FASTK: variants seen among roughly 807,000 people sequenced by gnomAD.
FASTK encodes fas-activated serine/threonine kinase.
FASTK carries 28 observed loss-of-function variants against 60.0 expected under a neutral mutation model. The observed-to-expected ratio is 0.47, with a 90% CI of 0.35 to 0.64. The LOEUF is 0.64. FASTK is among the 30% of genes least tolerant of loss of function. The pLI is 0.01. For missense variants in FASTK, 595 were observed against 713.8 expected, an observed-to-expected ratio of 0.83 and a Z score of 1.90; for synonymous variants, 325 against 307.9, an observed-to-expected ratio of 1.06 and a Z score of -0.58.
rs964975437 is a variant in FASTK at position 151,078,766 on chromosome 7, G to T, written c.686-65C>A. On this transcript the variant is annotated intron_variant, in intron 3 of 9. Transcript: ENST00000297532. Reference sequence around the variant, plus strand: ...CTCCGGCTGGCTCAATTCCACCTCAGCCCAGCCAACTGAGCCCACCTTCCT... The same window carrying T: ...CTCCGGCTGGCTCAATTCCACCTCATCCCAGCCAACTGAGCCCACCTTCCT... The T allele has an allele frequency of 5.0e-6, 8 of 1,609,780 alleles. No homozygotes were observed. The East Asian group carries it at 1.3e-4, about 27-fold the overall frequency.
At position 151,077,881 on chromosome 7, in the gene FASTK, CTGA is replaced by C; in HGVS notation, c.1034_1036del (p.Ile345del). 6.2e-7 allele frequency: 1 copy of C among 1,613,202 alleles called. No homozygotes were observed. Among genetic ancestry groups the C allele is most frequent in the East Asian group, 2.2e-5 (1 of 44,852 alleles). The stretch of plus-strand genomic sequence containing the variant: ...AGCCAGCCATCCTGGCTGCGTACCA[CTGA>C]TGTAGTTGATGAAGCCAGGGGAAAA... On this transcript the variant is annotated inframe_deletion, in exon 5 of 10. Transcript: ENST00000297532.
chr7:151,076,932 A>G lies in FASTK; in HGVS notation c.1523T>C (p.Met508Thr). 1 of 1,609,184 alleles carries G rather than the reference A, an allele frequency of 6.2e-7. No homozygotes were observed. Among genetic ancestry groups the G allele is most frequent in the African/African-American group, 1.3e-5 (1 of 74,992 alleles). The change falls in exon 9 of 10, where the codon ATG (methionine) becomes ACG (threonine). Residue 508 changes from methionine to threonine, a missense_variant. This residue lies in a region of FASTK where 471 missense variants were observed against 605.9 expected (regional missense o/e 0.78). Coordinates refer to ENST00000297532, the MANE Select transcript of FASTK (RefSeq NM_006712.5). ...RALRERHLGL[M>T]GYQLLPLPFE... ...ACTCACCGGCAGGAGCTGGTAGCCC[A>G]TCAGGCCTAGGTGCCGCTCCCTCAG... is the stretch of plus-strand genomic sequence containing the variant.
chr7:151,077,063 G>A (rs1194658876), intron 8 of FASTK, 36 bp from the exon 9 acceptor site: 2 of 1,609,292 alleles, frequency 1.2e-6, no homozygotes, highest in Non-Finnish European at 1.7e-6. Flanking sequence ...GGCATGGCGG[G>A]CAAGGTGGCC....
chr7:151,078,930 A>T lies in FASTK; in HGVS notation c.597T>A (p.Leu199=). 6.4e-7 allele frequency: 1 copy of T among 1,574,642 alleles called. No homozygotes were observed. The highest frequency in any genetic ancestry group is 1.2e-5 in the South Asian group (1 of 85,076). The change falls in exon 3 of 10, where the codon CTT becomes CTA. Residue 199 remains leucine (L), a synonymous_variant. Transcript: ENST00000297532. ...CTTCCAACCCTTGCCCACCTCGGAG[A>T]AGGGGCTGCAAAGGGGGAGGTGGCT... The part of the protein sequence containing the change: ...PPKPPPPLQP[L]LRGGQGLEAA...
intron 1 of FASTK, chr7:151,080,181 CA>C: frequency 2.1e-6 from 1 of 482,962 alleles, no homozygotes; most frequent in Non-Finnish European, 3.7e-6. Flanking sequence ...CTTACACGCC[CA>C]TGAAGAGTAG....
chr7:151,079,362 G>C, intron 2 of FASTK, 138 bp downstream of exon 2: 2 of 838,034 alleles, frequency 2.4e-6, no homozygotes, highest in East Asian at 2.7e-5. Flanking sequence ...GTCTGCCGCA[G>C]ACATAGGACG....
chr7:151,080,069 C>A (rs143660244), intron 1 of FASTK, 147 bp from the exon 2 acceptor site: 21 of 666,586 alleles, frequency 3.2e-5, no homozygotes, highest in Non-Finnish European at 5.4e-5. Flanking sequence ...CACCCCGCCC[C>A]TCTGCCTCCT....
At chr7:151,080,656 G>A in intron 1 of FASTK, 29 bp downstream of exon 1, 3 of 1,429,730 alleles carry the variant, frequency 2.1e-6, no homozygotes, top group Non-Finnish European at 2.7e-6. Flanking sequence ...CTGCCCTCCC[G>A]CAGCCCTCCC....
rs1413484177 is a variant in FASTK at position 151,076,846 on chromosome 7, A to G, written c.1543-14T>C. 1 of 1,604,832 alleles carries G rather than the reference A, an allele frequency of 6.2e-7. No individual in the cohort carries two copies. Among genetic ancestry groups the G allele is most frequent in the Non-Finnish European group, 8.5e-7 (1 of 1,175,136 alleles). Reference sequence around the variant, plus strand: ...CTCGAAGGGTAGCTGTGGGGAGAGGAGAGGGCGGCAGGTTACCCGCAGGCT... The same window carrying G: ...CTCGAAGGGTAGCTGTGGGGAGAGGGGAGGGCGGCAGGTTACCCGCAGGCT... On this transcript the variant is annotated splice_polypyrimidine_tract_variant and intron_variant, in intron 9 of 9. Coordinates refer to ENST00000297532, the MANE Select transcript of FASTK (RefSeq NM_006712.5).
In FASTK at chr7:151,079,784, C is replaced by T; in HGVS notation, c.221G>A (p.Gly74Glu). The T allele has an allele frequency of 6.2e-7, 1 of 1,600,688 alleles. No individual in the cohort carries two copies. The highest frequency in any genetic ancestry group is 1.7e-5 in the Admixed American group (1 of 58,666). The change falls in exon 2 of 10, where the codon GGA becomes GAA. Residue 74 changes from glycine to glutamate, a missense_variant. Around this residue, in one of 2 missense-constraint regions of FASTK, gnomAD observed 124 missense variants for 107.9 expected, o/e 1.15. Transcript: ENST00000297532. Reference protein sequence around the residue: ...GPSKWGDRPVGGGPSAGPVQG... With the variant: ...GPSKWGDRPVEGGPSAGPVQG... ...CACAGGACCTGCACTGGGGCCTCCT[C>T]CAACAGGCCGGTCCCCCCATTTGCT... is the stretch of plus-strand genomic sequence containing the variant.
rs758379818 is a variant in FASTK at position 151,078,604 on chromosome 7, A to G, written c.783T>C (p.Ile261=). ...RLREPQLLEA[I]AHFLVVQETQ... ...TTTCCTGAACCACCAGGAAGTGGGC[A>G]ATGGCTTCCAGAAGCTGGGGCTCCC... The change falls in exon 4 of 10, where the codon ATT becomes ATC. Residue 261 remains isoleucine, a synonymous_variant. Transcript: ENST00000297532. 1 of 1,613,762 alleles carries G rather than the reference A, an allele frequency of 6.2e-7. No individual in the cohort carries two copies. The highest frequency in any genetic ancestry group is 2.2e-5 in the East Asian group (1 of 44,890).
chr7:151,077,450 A>T, intron 6 of FASTK, 49 bp from the exon 7 acceptor site: 1 of 1,587,348 alleles, frequency 6.3e-7, no homozygotes, highest in Non-Finnish European at 8.6e-7. Flanking sequence ...ACCTCATCCT[A>T]ATCTGTCCCA....
intron 2 of FASTK, 85 bp downstream of exon 2, chr7:151,079,415 G>C (rs900677837): frequency 1.6e-5 from 21 of 1,322,616 alleles, no homozygotes; most frequent in Non-Finnish European, 2.2e-5. Context: ...TGAGAGGCTG[G>C]GTCTCTGTCC....
At chr7:151,077,282 C>G (rs748916422) in intron 7 of FASTK, 28 bp downstream of exon 7, 2 of 1,612,030 alleles carry the variant, frequency 1.2e-6, no homozygotes, top group Non-Finnish European at 8.5e-7. Flanking sequence ...CTCCGTCTCC[C>G]CGGGCCTGCC....
At position 151,078,029 on chromosome 7, in the gene FASTK, T is replaced by A. The variant is rs1797766032; in HGVS notation, c.889A>T (p.Met297Leu). 6.2e-7 allele frequency: 1 copy of A among 1,607,424 alleles called. No homozygotes were observed. The highest frequency in any genetic ancestry group is 8.5e-7 in the Non-Finnish European group (1 of 1,174,566). The change falls in exon 5 of 10, where the codon ATG becomes TTG. Residue 297 changes from methionine (M) to leucine (L), a missense_variant. Around this residue, in one of 2 missense-constraint regions of FASTK, gnomAD observed 471 missense variants for 605.9 expected, o/e 0.78. Coordinates refer to ENST00000297532, the MANE Select transcript of FASTK (RefSeq NM_006712.5). ...LNYLPLEQQF[M>L]PCLERILARE... is the part of the protein sequence containing the mutation. ...GCCAGGATCCTCTCAAGGCAGGGCA[T>A]AAACTGCTGTTCCAGGGGCAGGTAG...
Position 151,079,822 on chromosome 7 carries a change from G to T in FASTK, c.183C>A (p.Cys61Ter). 6.2e-7 allele frequency: 1 copy of T among 1,601,670 alleles called. No individual in the cohort carries two copies. Among genetic ancestry groups the T allele is most frequent in the Non-Finnish European group, 8.5e-7 (1 of 1,174,180 alleles). ...GLLLIPPVQPCCLGPSKWGDR... is the reference protein window; with the variant it reads ...GLLLIPPVQP ...CCCCCCATTTGCTGGGCCCCAAACA[G>T]CAGGGCTGTACTGGAGGGATCAGCA... Residue 61 changes from cysteine to a stop codon, truncating the protein, a stop_gained, in exon 2 of 10, where the codon TGC (cysteine) becomes TGA (stop). Transcript: ENST00000297532. LOFTEE classifies it high-confidence loss of function.
intron 6 of FASTK, 89 bp from the exon 7 acceptor site, chr7:151,077,490 T>G: frequency 2.6e-6 from 4 of 1,525,846 alleles, no homozygotes; most frequent in Non-Finnish European, 3.6e-6. Flanking sequence ...GGCAAAGCCC[T>G]CTGCTGCTTC....
At chr7:151,078,220 G>A (rs1797776068) in intron 4 of FASTK, 128 bp from the exon 5 acceptor site, 1 of 693,060 alleles carries the variant, frequency 1.4e-6, no homozygotes, top group Non-Finnish European at 2.4e-6. Flanking sequence ...AGTCCCTCCG[G>A]CCTCACAGTT....
At position 151,078,457 on chromosome 7, in the gene FASTK, G is replaced by T. The variant is rs556816835; in HGVS notation, c.825+105C>A. 4.4e-5 allele frequency: 56 copies of T among 1,274,336 alleles called. No homozygotes were observed. The East Asian group carries it at 1.3e-3, about 29-fold the overall frequency. The allele number at this position is 1,274,336 out of a possible 1,614,324, so 78.9% of individuals were successfully genotyped here. A position where few individuals can be genotyped will look rare whatever the true frequency, so the allele number is the denominator to read the frequency against. On this transcript the variant is annotated intron_variant, in intron 4 of 9. Coordinates refer to ENST00000297532, the MANE Select transcript of FASTK (RefSeq NM_006712.5). ...ATGCAGGTCCCAGGGGACAGAGAGG[G>T]TGTGTCTGCTTCAGGAAAAGGATAG...
Sources: allele counts gnomAD v4.1 joint callset, GRCh38; gene constraint gnomAD v4.1.1; regional missense constraint gnomAD v4.1.1; transcripts MANE v1.5; gene names NCBI Gene and HGNC (gene_info 2026-07-23, HGNC 2026-07-21).